The following BMPR1B variants were observed in gnomAD, a reference collection of about 807,000 sequenced individuals.
The protein encoded by BMPR1B is bone morphogenetic protein receptor type-1B.
BMPR1B carries 12 observed loss-of-function variants against 59.1 expected under a neutral mutation model. The ratio of observed to expected loss-of-function variants is 0.20; its 90% CI spans 0.13 to 0.33. The LOEUF (loss-of-function observed/expected upper bound fraction) is 0.33, where lower values mean the gene tolerates loss of function less well. BMPR1B is among the 10% of genes least tolerant of loss of function. The pLI is 1.00. For synonymous variants in BMPR1B, 237 were observed against 207.3 expected (o/e 1.14, Z -1.23); for missense variants, 550 against 610.9 (o/e 0.90, Z 1.05).
intron 2 of BMPR1B, among the ~76,000 whole-genome samples, chr4:94,956,734 A>G (rs1351593673): frequency 6.6e-6 from 1 of 152,166 alleles, no homozygotes; most frequent in Non-Finnish European, 1.5e-5. Context: ...AAATCCCATC[A>G]GTAGTATTTT....
At chr4:94,857,802 T>A (rs115412234) in intron 1 of BMPR1B, among the ~76,000 whole-genome samples, 164 of 152,358 alleles carry the variant, frequency 1.1e-3, no homozygotes, top group African/African-American at 3.5e-3. Context: ...ACACTTTTTT[T>A]AGTGGAATAG....
intron 2 of BMPR1B, among the ~76,000 whole-genome samples, chr4:94,940,837 A>G (rs912460830): frequency 6.6e-6 from 1 of 151,840 alleles, no homozygotes; most frequent in Non-Finnish European, 1.5e-5. Context: ...TCCTTGAATT[A>G]CTGGATTTTG....
chr4:95,131,412 C>G lies in BMPR1B; in HGVS notation c.976C>G (p.Pro326Ala). The change falls in exon 10 of 13, where the codon CCA (proline) becomes GCA (alanine). Residue 326 changes from proline to alanine, a missense_variant. By Grantham distance (27) the Pro-to-Ala change is conservative. This residue lies in a region of BMPR1B where 318 missense variants were observed against 284.6 expected (regional missense o/e 1.12). Transcript: ENST00000515059. ...HTEIFSTQGKPAIAHRDLKSK... is the reference protein window; with the variant it reads ...HTEIFSTQGKAAIAHRDLKSK... ...AGAAATCTTTAGTACTCAAGGCAAACCAGCAATTGCCCATCGAGATCTGAA... is the reference window on the plus strand; with the variant it reads ...AGAAATCTTTAGTACTCAAGGCAAAGCAGCAATTGCCCATCGAGATCTGAA... 6.2e-7 allele frequency: 1 copy of G among 1,613,962 alleles called. No individual in the cohort carries two copies. Among genetic ancestry groups the G allele is most frequent in the Non-Finnish European group, 8.5e-7 (1 of 1,179,982 alleles).
intron 2 of BMPR1B, among the ~76,000 whole-genome samples, chr4:94,992,706 G>A (rs1311362373): frequency 6.6e-6 from 1 of 152,044 alleles, no homozygotes; most frequent in Non-Finnish European, 1.5e-5. Context: ...CAGTTCTGTG[G>A]GCTTTGTCAA....
chr4:94,799,648 T>C (rs1723329254), intron 1 of BMPR1B, among the ~76,000 whole-genome samples: 1 of 150,890 alleles, frequency 6.6e-6, no homozygotes, highest in South Asian at 2.1e-4. Context: ...TTGTTTTGAG[T>C]GCATGTGATT....
intron 2 of BMPR1B, among the ~76,000 whole-genome samples, chr4:94,956,223 CT>C (rs935734004): frequency 2.6e-5 from 4 of 151,576 alleles, no homozygotes; most frequent in Admixed American, 2.6e-4. Flanking sequence ...CTGTTTGTTT[CT>C]TTTTTTTAAT....
chr4:95,104,632 T>C, intron 4 of BMPR1B, 65 bp downstream of exon 4: 1 of 1,580,608 alleles, frequency 6.3e-7, no homozygotes, highest in Non-Finnish European at 8.7e-7. Context: ...ACTATGCAAC[T>C]GTAGGCTAGT....
At chr4:95,044,515 G>A (rs1725892691) in intron 3 of BMPR1B, among the ~76,000 whole-genome samples, 1 of 152,216 alleles carries the variant, frequency 6.6e-6, no homozygotes, top group Non-Finnish European at 1.5e-5. Flanking sequence ...TATCCCGTAA[G>A]TAAGAACACA....
intron 2 of BMPR1B, among the ~76,000 whole-genome samples, chr4:94,949,046 T>C (rs992084378): frequency 1.3e-5 from 2 of 152,324 alleles, no homozygotes; most frequent in Admixed American, 1.3e-4. Context: ...CATAGATATA[T>C]GTGTGCCATG....
intron 3 of BMPR1B, among the ~76,000 whole-genome samples, chr4:95,053,176 C>T (rs1260389980): frequency 6.6e-6 from 1 of 151,908 alleles, no homozygotes; most frequent in Non-Finnish European, 1.5e-5. Flanking sequence ...GTCTTAATGT[C>T]TTATTTCTTC....
At chr4:95,013,605 T>G (rs76643668) in intron 3 of BMPR1B, among the ~76,000 whole-genome samples, 5,883 of 152,222 alleles carry the variant, frequency 0.039, 182 homozygotes, top group African/African-American at 0.08. Context: ...TTTAAAAAAT[T>G]AGAAAACGTA....
chr4:94,936,747 A>G (rs1729316930), intron 2 of BMPR1B, among the ~76,000 whole-genome samples: 1 of 152,070 alleles, frequency 6.6e-6, no homozygotes, highest in African/African-American at 2.4e-5. Context: ...TTTATGTTAA[A>G]TGTTGATGTT....
intron 10 of BMPR1B, among the ~76,000 whole-genome samples, chr4:95,133,785 G>T (rs1303307442): frequency 6.6e-6 from 1 of 151,212 alleles, no homozygotes; most frequent in Non-Finnish European, 1.5e-5. Flanking sequence ...TGCCAGGCTG[G>T]CCTCAAACTC....
chr4:95,002,894 TTTGAG>T (rs1460834450), intron 3 of BMPR1B, among the ~76,000 whole-genome samples: 1 of 152,130 alleles, frequency 6.6e-6, no homozygotes, highest in Non-Finnish European at 1.5e-5. Flanking sequence ...TACTAGTGAA[TTTGAG>T]TTATTACCTT....
intron 2 of BMPR1B, among the ~76,000 whole-genome samples, chr4:94,891,024 G>A (rs1541372): frequency 0.28 from 43,060 of 151,868 alleles, 7,788 homozygotes; most frequent in African/African-American, 0.51. Context: ...ATAGTAATTG[G>A]AAAACAGTTT....
At chr4:94,988,666 A>G (rs1410142212) in intron 2 of BMPR1B, among the ~76,000 whole-genome samples, 4 of 152,318 alleles carry the variant, frequency 2.6e-5, no homozygotes, top group African/African-American at 9.6e-5. Context: ...AATACTTCTC[A>G]TACTAATAAT....
intron 1 of BMPR1B, among the ~76,000 whole-genome samples, chr4:94,848,074 A>G (rs1414192040): frequency 6.6e-6 from 1 of 152,222 alleles, no homozygotes; most frequent in East Asian, 1.9e-4. Context: ...ACAAAAATTA[A>G]AAATTAAAAA....
At chr4:95,063,327 C>T (rs1001027485) in intron 3 of BMPR1B, among the ~76,000 whole-genome samples, 1 of 152,024 alleles carries the variant, frequency 6.6e-6, no homozygotes, top group Non-Finnish European at 1.5e-5. Flanking sequence ...AAGCACAGGA[C>T]AAGTTAAGGA....
chr4:94,854,896 A>G (rs1236728996), intron 1 of BMPR1B, among the ~76,000 whole-genome samples: 1 of 152,216 alleles, frequency 6.6e-6, no homozygotes, highest in Non-Finnish European at 1.5e-5. Context: ...CTAAAGCATC[A>G]GTATTTTTCT....
Sources: gnomAD v4.1 joint callset for allele counts (sites outside exome capture counted in the v4.1 genomes callset) on GRCh38, gnomAD v4.1.1 for gene constraint, gnomAD v4.1.1 regional missense constraint, MANE v1.5 for transcripts, NCBI Gene and HGNC (gene_info 2026-07-23, HGNC 2026-07-21) for gene names.